ARHGEF26: variants seen among roughly 807,000 people sequenced by gnomAD.
ARHGEF26 encodes Rho guanine nucleotide exchange factor (GEF) 26.
A neutral mutation model predicts 89.4 loss-of-function variants in ARHGEF26; 59 were observed. The ratio of observed to expected loss-of-function variants is 0.66; its 90% confidence interval spans 0.54 to 0.82. The LOEUF is 0.82. ARHGEF26 is among the 40% of genes least tolerant of loss of function. ARHGEF26 has a pLI of 0.00. For missense variants in ARHGEF26, 1,234 were observed against 1,085.6 expected, an observed-to-expected ratio of 1.14 and a Z score of -1.92; for synonymous variants, 500 against 428.4, an observed-to-expected ratio of 1.17 and a Z score of -2.06.
intron 11 of ARHGEF26, among the ~76,000 whole-genome samples, chr3:154,239,960 G>A (rs1055244713): frequency 1.3e-5 from 2 of 152,036 alleles, no homozygotes; most frequent in South Asian, 2.1e-4. Flanking sequence ...GGAGATGGGG[G>A]GTTTGGGGGG....
At chr3:154,252,052 C>T (rs934305729) in intron 12 of ARHGEF26, among the ~76,000 whole-genome samples, 2 of 152,160 alleles carry the variant, frequency 1.3e-5, no homozygotes, top group African/African-American at 2.4e-5. Context: ...GTAAGTCATC[C>T]TCTCTGCCTG....
intron 2 of ARHGEF26, 113 bp downstream of exon 2, chr3:154,123,188 G>A: frequency 6.9e-7 from 1 of 1,458,754 alleles, no homozygotes; most frequent in South Asian, 1.4e-5. Context: ...TTTTAATTCT[G>A]TGTTTTGCTC....
At chr3:154,217,447 A>T (rs1715836496) in intron 9 of ARHGEF26, among the ~76,000 whole-genome samples, 1 of 152,002 alleles carries the variant, frequency 6.6e-6, no homozygotes, top group Admixed American at 6.6e-5. Flanking sequence ...CCTTTGTCAG[A>T]TGAGTAGGTT....
At chr3:154,207,424 T>C (rs1466702234) in intron 9 of ARHGEF26, among the ~76,000 whole-genome samples, 1 of 151,644 alleles carries the variant, frequency 6.6e-6, no homozygotes, top group Non-Finnish European at 1.5e-5. Flanking sequence ...ATAACTCTTT[T>C]AAAAAGCGGG....
intron 6 of ARHGEF26, among the ~76,000 whole-genome samples, chr3:154,157,224 G>A (rs1720389532): frequency 6.6e-6 from 1 of 152,130 alleles, no homozygotes; most frequent in Non-Finnish European, 1.5e-5. Context: ...AGGCTCCTAA[G>A]TTCCAAAGCA....
chr3:154,256,973 G>C lies in ARHGEF26; in HGVS notation c.*1500G>C. 6.6e-7 allele frequency: 1 copy of C among 1,525,822 alleles called. No homozygotes were observed. The highest frequency in any genetic ancestry group is 8.7e-7 in the Non-Finnish European group (1 of 1,143,004). The allele number at this position is 1,525,822 out of a possible 1,614,324, so 94.5% of individuals were successfully genotyped here. ...TTACTGGCAGCTATATTCCCTCTCT[G>C]TTCTATTTGCTTTAACAAAGGGATA... On this transcript the variant is annotated 3_prime_UTR_variant, in exon 15 of 15. Transcript: ENST00000465093.
chr3:154,132,614 C>G (rs1051281956), intron 4 of ARHGEF26, among the ~76,000 whole-genome samples: 1 of 152,078 alleles, frequency 6.6e-6, no homozygotes, highest in African/African-American at 2.4e-5. Context: ...CAAAAGTGAT[C>G]GGCACCTCTA....
rs933563770 is a variant in ARHGEF26, at chr3:154,161,412, A to G, written c.1487+8480A>G. Among the ~76,000 whole-genome samples the G allele has an allele frequency of 5.3e-5, 8 of 152,262 alleles. No individual in the cohort carries two copies. The East Asian group carries it at 5.8e-4, about 11-fold the overall frequency. On this transcript the variant is annotated intron_variant, in intron 6 of 14. Coordinates refer to ENST00000465093, the MANE Select transcript of ARHGEF26 (RefSeq NM_015595.4). The stretch of plus-strand genomic sequence containing the variant: ...TAAGGATGATAGTATACTTAACCTT[A>G]TAAGATTGTTTTGAGGATTAAATGA...
At chr3:154,145,291 A>G (rs1719631228) in intron 4 of ARHGEF26, among the ~76,000 whole-genome samples, 1 of 152,216 alleles carries the variant, frequency 6.6e-6, no homozygotes, top group Admixed American at 6.5e-5. Context: ...CTCAGGTTAC[A>G]TTAAGTCTGT....
chr3:154,141,864 A>G (rs762662897), intron 4 of ARHGEF26, among the ~76,000 whole-genome samples: 10 of 152,194 alleles, frequency 6.6e-5, no homozygotes, highest in South Asian at 4.1e-4. Context: ...TTTGCATTCA[A>G]TGCCAGTTTA....
At chr3:154,135,777 A>T (rs564592612) in intron 4 of ARHGEF26, among the ~76,000 whole-genome samples, 11 of 152,338 alleles carry the variant, frequency 7.2e-5, no homozygotes, top group Non-Finnish European at 1.2e-4. Flanking sequence ...CAAAGGGTTC[A>T]TTCATTAGTA....
At chr3:154,243,530 CT>C (rs1395341747) in intron 12 of ARHGEF26, among the ~76,000 whole-genome samples, 9 of 152,212 alleles carry the variant, frequency 5.9e-5, no homozygotes, top group African/African-American at 2.2e-4. Context: ...TTGTTCCATC[CT>C]TTTGCCTTTT....
chr3:154,140,800 C>T (rs981380271), intron 4 of ARHGEF26, among the ~76,000 whole-genome samples: 2 of 152,026 alleles, frequency 1.3e-5, no homozygotes, highest in African/African-American at 2.4e-5. Flanking sequence ...AGGCTGGTCT[C>T]GAACTGCTAA....
chr3:154,193,053 AC>A (rs34507627), intron 8 of ARHGEF26, among the ~76,000 whole-genome samples: 2 of 151,728 alleles, frequency 1.3e-5, no homozygotes, highest in Non-Finnish European at 2.9e-5. Context: ...TAAGCCACAG[AC>A]CCCCCCTTGA....
At chr3:154,204,333 CTT>C (rs55822103) in intron 9 of ARHGEF26, among the ~76,000 whole-genome samples, 6 of 113,318 alleles carry the variant, frequency 5.3e-5, no homozygotes, top group African/African-American at 9.9e-5. Context: ...TTTTCTTTTC[CTT>C]TTTTTTTTTT....
intron 11 of ARHGEF26, among the ~76,000 whole-genome samples, chr3:154,239,295 A>AGTGTGTGTGT (rs1717335546): frequency 1.7e-5 from 1 of 58,698 alleles, no homozygotes; most frequent in African/African-American, 6.1e-5. Context: ...AGAGAGAGAG[A>AGTGTGTGTGT]GAGAGTGTGT....
At chr3:154,204,874 A>C (rs1559897203) in intron 9 of ARHGEF26, among the ~76,000 whole-genome samples, 1 of 152,208 alleles carries the variant, frequency 6.6e-6, no homozygotes, top group Non-Finnish European at 1.5e-5. Context: ...TTGTGGTCAA[A>C]GAATATGCTT....
At chr3:154,129,839 T>G in intron 4 of ARHGEF26, 120 bp downstream of exon 4, 1 of 1,182,686 alleles carries the variant, frequency 8.5e-7, no homozygotes, top group Admixed American at 2.8e-5. Flanking sequence ...AAAGACTCTT[T>G]TTAGATTGTG....
intron 11 of ARHGEF26, among the ~76,000 whole-genome samples, chr3:154,233,754 G>A (rs1716946098): frequency 6.6e-6 from 1 of 152,234 alleles, no homozygotes; most frequent in Non-Finnish European, 1.5e-5. Flanking sequence ...TGAAATCCAG[G>A]TGTTTAATTT....
Sources: gnomAD v4.1 joint callset for allele counts (sites outside exome capture counted in the v4.1 genomes callset) on GRCh38, gnomAD v4.1.1 for gene constraint, MANE v1.5 for transcripts, NCBI Gene and HGNC (gene_info 2026-07-23, HGNC 2026-07-21) for gene names.